The following TSHZ3 variants were observed in gnomAD, a reference collection of about 807,000 sequenced individuals.
The protein encoded by TSHZ3 is teashirt homolog 3.
Under a neutral mutation model 64.5 loss-of-function variants are expected in TSHZ3, and 10 were observed. The ratio of observed to expected loss-of-function variants is 0.16; its 90% CI spans 0.10 to 0.26. TSHZ3 has a LOEUF of 0.26. Ranked by LOEUF, TSHZ3 falls within the 10% of genes least tolerant of loss-of-function variation. TSHZ3 has a pLI of 1.00. For missense variants in TSHZ3, 1,242 were observed against 1,421.7 expected (o/e 0.87, Z 2.03); for synonymous variants, 608 against 593.1 (o/e 1.03, Z -0.36).
intron 1 of TSHZ3, among the ~76,000 whole-genome samples, chr19:31,331,166 C>T (rs1174832920): frequency 6.6e-6 from 1 of 152,130 alleles, no homozygotes; most frequent in Non-Finnish European, 1.5e-5. Context: ...ACCAAAGCAT[C>T]AGAGATTCAG....
chr19:31,317,062 C>G (rs144757274), intron 1 of TSHZ3, among the ~76,000 whole-genome samples: 1 of 152,216 alleles, frequency 6.6e-6, no homozygotes, highest in African/African-American at 2.4e-5. Flanking sequence ...AAGAAAGGAC[C>G]ACGGGAGTTG....
rs1286231494 is a variant in TSHZ3, at chr19:31,324,163, A to ATCTAGTAG, written c.40+25016_40+25017insCTACTAGA. Among the ~76,000 whole-genome samples the ATCTAGTAG allele has an allele frequency of 2.6e-5, 4 of 152,344 alleles. No homozygotes were observed. In the East Asian group the frequency reaches 7.7e-4, roughly 29 times the overall value. On this transcript the variant is annotated intron_variant, in intron 1 of 1. Transcript: ENST00000240587. ...CCTACCATCAGTAGAGCAGGAAACC[A>ATCTAGTAG]AGCTACTAGAGAGGCAACCAAGGTT...
chr19:31,152,779 T>C (rs1407839472), intron 6 of TSHZ3, among the ~76,000 whole-genome samples: 1 of 152,118 alleles, frequency 6.6e-6, no homozygotes, highest in Non-Finnish European at 1.5e-5. Context: ...ACACCTCCAC[T>C]GTTAACAGCA....
At chr19:31,201,309 T>A (rs1975083493) in intron 5 of TSHZ3, among the ~76,000 whole-genome samples, 1 of 152,146 alleles carries the variant, frequency 6.6e-6, no homozygotes, top group Admixed American at 6.5e-5. Flanking sequence ...CTTAAAAATA[T>A]CAATCTCTTC....
chr19:31,219,971 T>G lies in TSHZ3; in HGVS notation n.686+8034A>C, dbSNP rs1975378003. Among the ~76,000 whole-genome samples the G allele has an allele frequency of 1.3e-5, 2 of 150,654 alleles. 1 individual carries two copies. The highest frequency in any genetic ancestry group is 4.8e-5 in the African/African-American group (2 of 41,392). On this transcript the variant is annotated intron_variant and non_coding_transcript_variant, in intron 4 of 6. Transcript: ENST00000651361. ...TTGATCAATTGATTATTTGATCAAT[T>G]TAATCAATAGTCTTCAACTGATCTC... is the stretch of plus-strand genomic sequence containing the variant.
At chr19:31,230,726 G>A (rs1975527743) in intron 3 of TSHZ3, among the ~76,000 whole-genome samples, 1 of 136,108 alleles carries the variant, frequency 7.3e-6, no homozygotes, top group Admixed American at 7.8e-5. Context: ...TTGAGACGGA[G>A]TCTTGCTCTG....
At chr19:31,333,694 T>C (rs1314785195) in intron 1 of TSHZ3, among the ~76,000 whole-genome samples, 1 of 152,206 alleles carries the variant, frequency 6.6e-6, no homozygotes, top group Admixed American at 6.5e-5. Flanking sequence ...AGTGGGATGC[T>C]TGTCCCAGAG....
At chr19:31,234,889 C>A (rs1473398338) in intron 3 of TSHZ3, among the ~76,000 whole-genome samples, 2 of 152,158 alleles carry the variant, frequency 1.3e-5, no homozygotes, top group African/African-American at 4.8e-5. Flanking sequence ...TGTTAGGAAG[C>A]AGTCACGCCT....
Position 31,282,255 on chromosome 19 carries a change from A to C in TSHZ3, c.41-2503T>G, listed in dbSNP as rs188580728. On this transcript the variant is annotated intron_variant, in intron 1 of 1. Transcript: ENST00000240587. Reference sequence around the variant, plus strand: ...TGCCCAGGCCTGTGTAGATGGGTGAAGATATCAAAGCCCCTTCTGTCCTGG... The same window carrying C: ...TGCCCAGGCCTGTGTAGATGGGTGACGATATCAAAGCCCCTTCTGTCCTGG... 1.4e-4 allele frequency among the ~76,000 whole-genome samples: 21 copies of C among 149,016 alleles called. No homozygotes were observed. The East Asian group carries it at 4.0e-3, about 28-fold the overall frequency.
rs1459056989 is a variant in TSHZ3, at chr19:31,278,795, G to T, written c.998C>A (p.Ser333Tyr). 6.2e-7 allele frequency: 1 copy of T among 1,614,078 alleles called. No individual in the cohort carries two copies. Among genetic ancestry groups the T allele is most frequent in the African/African-American group, 1.3e-5 (1 of 74,934 alleles). Residue 333 changes from serine (S) to tyrosine (Y), a missense_variant, in exon 2 of 2, where the codon TCC becomes TAC. By Grantham distance (144) the Ser-to-Tyr change is moderately radical. Transcript: ENST00000240587. The surrounding 1 kb of genome is among the most constrained non-coding windows in gnomAD (Gnocchi z 4.7). ...KASLELELPS[S>Y]PDSTGGTPKA... ...GGGGGTTCCACCTGTGGAATCTGGG[G>T]AGCTGGGGAGCTCCAGCTCCAGGGA...
intron 1 of TSHZ3, among the ~76,000 whole-genome samples, chr19:31,285,268 C>T (rs1000918001): frequency 6.6e-6 from 1 of 151,712 alleles, no homozygotes; most frequent in African/African-American, 2.4e-5. Context: ...ATGCTTGAGC[C>T]CAGGAATTCA....
chr19:31,249,429 C>T (rs770155668), intron 1 of TSHZ3, among the ~76,000 whole-genome samples: 5 of 152,122 alleles, frequency 3.3e-5, no homozygotes, highest in Non-Finnish European at 5.9e-5. Flanking sequence ...CCAGCAGGTT[C>T]CCTGTCTGCC....
intron 1 of TSHZ3, among the ~76,000 whole-genome samples, chr19:31,343,495 A>G (rs1304262666): frequency 6.6e-6 from 1 of 152,212 alleles, no homozygotes. Flanking sequence ...TCTTTTTTAA[A>G]TGGGGCTTAT....
chr19:31,155,731 C>A (rs919270933), intron 6 of TSHZ3, among the ~76,000 whole-genome samples: 3 of 152,194 alleles, frequency 2.0e-5, no homozygotes, highest in Admixed American at 2.0e-4. Flanking sequence ...GATAATTTGA[C>A]TTCTATCTTG....
In TSHZ3 at chr19:31,279,070, G is replaced by A. The variant is rs772707105; in HGVS notation, c.723C>T (p.Asp241=). ...VHMNETGHYR[D]DNHETDNNNP... ...TGTTGTTATCGGTCTCATGGTTGTC[G>A]TCGCGGTAATGCCCCGTCTCGTTCA... The change falls in exon 2 of 2, where the codon GAC becomes GAT. Residue 241 remains aspartate (D), a synonymous_variant. Coordinates refer to ENST00000240587, the MANE Select transcript of TSHZ3 (RefSeq NM_020856.4). This position sits in a 1 kb window ranked among gnomAD's most constrained non-coding sequence, Gnocchi z 6.4. 2.0e-5 allele frequency: 32 copies of A among 1,613,932 alleles called. No homozygotes were observed. The highest frequency in any genetic ancestry group is 5.3e-5 in the African/African-American group (4 of 74,884).
At chr19:31,348,718 T>C (rs1051578917) in intron 1 of TSHZ3, among the ~76,000 whole-genome samples, 2 of 152,210 alleles carry the variant, frequency 1.3e-5, no homozygotes, top group African/African-American at 2.4e-5. Flanking sequence ...ATCGTGTTAG[T>C]ACTAAGGTGG....
At chr19:31,338,933 T>C (rs1318382863) in intron 1 of TSHZ3, among the ~76,000 whole-genome samples, 2 of 152,030 alleles carry the variant, frequency 1.3e-5, no homozygotes, top group South Asian at 2.1e-4. Flanking sequence ...GGCCAATCGA[T>C]AGAAACACAC....
intron 1 of TSHZ3, among the ~76,000 whole-genome samples, chr19:31,314,620 G>C (rs953263512): frequency 9.9e-5 from 15 of 152,194 alleles, no homozygotes; most frequent in African/African-American, 2.4e-4. Flanking sequence ...TTCGTATTTT[G>C]CAATAGATCA....
chr19:31,340,550 C>T (rs993766006), intron 1 of TSHZ3, among the ~76,000 whole-genome samples: 7 of 135,308 alleles, frequency 5.2e-5, no homozygotes, highest in Middle Eastern at 3.6e-3. Context: ...AGAGGGAGGG[C>T]GGGGAAATTC....
Sources: gnomAD v4.1 joint callset for allele counts (sites outside exome capture counted in the v4.1 genomes callset) on GRCh38, gnomAD v4.1.1 for gene constraint, Gnocchi (gnomAD v3.1) non-coding constraint, MANE v1.5 for transcripts, NCBI Gene and HGNC (gene_info 2026-07-23, HGNC 2026-07-21) for gene names.